PPP6R1: variants seen among roughly 807,000 people sequenced by gnomAD.
PPP6R1 encodes serine/threonine-protein phosphatase 6 regulatory subunit 1.
A neutral mutation model predicts 104.6 loss-of-function variants in PPP6R1; 39 were observed. That is an observed-to-expected ratio of 0.37 (90% confidence interval 0.29 to 0.49). The LOEUF (loss-of-function observed/expected upper bound fraction) is 0.49, where lower values mean the gene tolerates loss of function less well. Among genes scored for constraint, PPP6R1 ranks in the 20% least tolerant of loss-of-function variants. The probability of loss-of-function intolerance (pLI) is 0.98; values close to 1 mark genes in which losing one functional copy is unlikely to be tolerated. For synonymous variants in PPP6R1, 549 were observed against 479.0 expected, an observed-to-expected ratio of 1.15 and a Z score of -1.91; for missense variants, 1,181 against 1,155.8, an observed-to-expected ratio of 1.02 and a Z score of -0.32.
chr19:55,242,574 A>C, intron 5 of PPP6R1, 86 bp from the exon 6 acceptor site: 1 of 1,170,118 alleles, frequency 8.5e-7, no homozygotes, highest in East Asian at 2.4e-5. Context: ...CCATGAGCTG[A>C]CCATCCAGGG....
chr19:55,256,946 C>G (rs1046432885), intron 1 of PPP6R1, among the ~76,000 whole-genome samples: 1 of 152,206 alleles, frequency 6.6e-6, no homozygotes, highest in African/African-American at 2.4e-5. Flanking sequence ...GCTATCCCCA[C>G]TTACAGACGA....
Position 55,231,915 on chromosome 19 carries a change from C to T in PPP6R1, c.2193G>A (p.Gly731=), listed in dbSNP as rs748557550. ...GAGGCCCAGTGTGCAGCTCTTCCTC[C>T]CCGGAGACTCGGGGGCTGGTCGGGG... The part of the protein sequence containing the change: ...TDAPTSPRVS[G]EEELHTGPPA... The change falls in exon 19 of 24, where the codon GGG becomes GGA. Residue 731 remains glycine, a synonymous_variant. Coordinates refer to ENST00000412770, the MANE Select transcript of PPP6R1 (RefSeq NM_014931.4). The T allele has an allele frequency of 5.8e-6, 9 of 1,548,364 alleles. No individual in the cohort carries two copies. Among genetic ancestry groups the T allele is most frequent in the Non-Finnish European group, 7.0e-6 (8 of 1,144,270 alleles).
intron 10 of PPP6R1, among the ~76,000 whole-genome samples, chr19:55,240,556 C>CACACACACAT (rs1291425835): frequency 1.4e-5 from 2 of 147,944 alleles, no homozygotes; most frequent in African/African-American, 2.6e-5. Context: ...CACACACACA[C>CACACACACAT]ATGCATGCAC....
At chr19:55,236,368 C>T (rs1181958598) in intron 17 of PPP6R1, 1 of 422,094 alleles carries the variant, frequency 2.4e-6, no homozygotes, top group South Asian at 4.9e-5. Context: ...TTGCCCAGGG[C>T]TGGTCTCAAA....
At position 55,239,460 on chromosome 19, in the gene PPP6R1, T is replaced by C; in HGVS notation, c.1696A>G (p.Ile566Val). The stretch of plus-strand genomic sequence containing the variant: ...TCATCATTGAAGCCGAAGTGGTCAA[T>C]GAAGGCAGAGGTCATGCGCTGCATC... ...FQMQRMTSAFIDHFGFNDEEF... is the reference protein window; with the variant it reads ...FQMQRMTSAFVDHFGFNDEEF... Residue 566 changes from isoleucine to valine, a missense_variant, in exon 15 of 24, where the codon ATT becomes GTT. Around this residue, in one of 2 missense-constraint regions of PPP6R1, gnomAD observed 1,042 missense variants for 955.6 expected, o/e 1.09. Transcript: ENST00000412770. 3 of 1,613,988 alleles carry C rather than the reference T, an allele frequency of 1.9e-6. No homozygotes were observed. The highest frequency in any genetic ancestry group is 2.5e-6 in the Non-Finnish European group (3 of 1,179,892).
intron 5 of PPP6R1, among the ~76,000 whole-genome samples, chr19:55,243,880 T>C (rs1372718074): frequency 1.3e-5 from 2 of 152,270 alleles, no homozygotes; most frequent in East Asian, 3.9e-4. Context: ...CTCAAACTCC[T>C]GGGCTCAAGC....
At position 55,231,270 on chromosome 19, in the gene PPP6R1, G is replaced by A. The variant is rs769990074; in HGVS notation, c.2459+140C>T. On this transcript the variant is annotated intron_variant, in intron 21 of 23. Coordinates refer to ENST00000412770, the MANE Select transcript of PPP6R1 (RefSeq NM_014931.4). ...CCAGCCTACAGAGTGCAAGGGGCTG[G>A]GGCACAACATGAGGCTGCGCCTGGG... 1.3e-5 allele frequency: 14 copies of A among 1,044,418 alleles called. No individual in the cohort carries two copies. The Admixed American group carries it at 1.4e-4, about 11-fold the overall frequency. 64.7% of individuals were successfully genotyped at this position (1,044,418 alleles called of 1,614,324 possible).
rs751402751 is a variant in PPP6R1 at position 55,241,288 on chromosome 19, G to A, written c.1112C>T (p.Ala371Val). ...TGCCAGGAGCTCGTGCGTCAGGGCTGCATCATTGGCGCTCAGGGCACTGGC... is the reference window on the plus strand; with the variant it reads ...TGCCAGGAGCTCGTGCGTCAGGGCTACATCATTGGCGCTCAGGGCACTGGC... ...LLASALSAND[A>V]ALTHELLALD... Residue 371 changes from alanine to valine, a missense_variant, in exon 9 of 24, where the codon GCA becomes GTA. By Grantham distance (64) the Ala-to-Val change is moderately conservative. This residue lies in a region of PPP6R1 where 1,042 missense variants were observed against 955.6 expected (regional missense o/e 1.09). Transcript: ENST00000412770. This position sits in a 1 kb window ranked among gnomAD's most constrained non-coding sequence, Gnocchi z 5.4. The A allele has an allele frequency of 5.0e-6, 8 of 1,610,674 alleles. No individual in the cohort carries two copies. Among genetic ancestry groups the A allele is most frequent in the Non-Finnish European group, 6.8e-6 (8 of 1,179,470 alleles).
At chr19:55,240,668 C>T (rs944871507) in intron 10 of PPP6R1, among the ~76,000 whole-genome samples, 4 of 152,066 alleles carry the variant, frequency 2.6e-5, no homozygotes, top group Non-Finnish European at 2.9e-5. Context: ...TGCTCACACA[C>T]GCACGTGTGC....
chr19:55,237,639 G>C (rs1458356838), intron 15 of PPP6R1, among the ~76,000 whole-genome samples: 2 of 152,162 alleles, frequency 1.3e-5, no homozygotes, highest in African/African-American at 2.4e-5. Context: ...AATTCTTAAA[G>C]GACACTAAGT....
rs778779496 is a variant in PPP6R1 at position 55,241,022 on chromosome 19, C to G, written c.1219G>C (p.Val407Leu). ...NFLHAQVEGC[V>L]STMLSLGPPP... is the part of the protein sequence containing the mutation. Reference sequence around the variant, plus strand: ...GGCCCCAAGCTCAGCATGGTGCTCACGCATCCCTCTACTTGGGCATGCAAG... The same window carrying G: ...GGCCCCAAGCTCAGCATGGTGCTCAGGCATCCCTCTACTTGGGCATGCAAG... Residue 407 changes from valine (V) to leucine (L), a missense_variant, in exon 10 of 24, where the codon GTG (valine) becomes CTG (leucine). Transcript: ENST00000412770. The surrounding 1 kb of genome is among the most constrained non-coding windows in gnomAD (Gnocchi z 5.4). 2 of 1,577,452 alleles carry G rather than the reference C, an allele frequency of 1.3e-6. No individual in the cohort carries two copies.
At chr19:55,240,548 CACACACACAT>C (rs1285412951) in intron 10 of PPP6R1, among the ~76,000 whole-genome samples, 2 of 151,624 alleles carry the variant, frequency 1.3e-5, no homozygotes, top group African/African-American at 4.9e-5. Context: ...CACACACACA[CACACACACAT>C]GCATGCACTA....
downstream of PPP6R1, chr19:55,228,788 T>G (rs769269850): frequency 6.3e-7 from 1 of 1,599,372 alleles, no homozygotes; most frequent in East Asian, 2.3e-5. Flanking sequence ...GCGAGTGGCT[T>G]CAGGGGGTGG....
At position 55,241,517 on chromosome 19, in the gene PPP6R1, C is replaced by T. The variant is rs201368780; in HGVS notation, c.968G>A (p.Arg323Gln). Residue 323 changes from arginine (R) to glutamine (Q), a missense_variant, in exon 8 of 24, where the codon CGG (arginine) becomes CAG (glutamine). Around this residue, in one of 2 missense-constraint regions of PPP6R1, gnomAD observed 1,042 missense variants for 955.6 expected, o/e 1.09. Transcript: ENST00000412770. This position sits in a 1 kb window ranked among gnomAD's most constrained non-coding sequence, Gnocchi z 5.4. ...SVGALHALRP[R>Q]LSCFHQLLLE... Reference sequence around the variant, plus strand: ...CAGGAGCTGGTGGAAGCAGCTGAGCCGCGGGCGTAGGGCGTGCAAGGCGCC... The same window carrying T: ...CAGGAGCTGGTGGAAGCAGCTGAGCTGCGGGCGTAGGGCGTGCAAGGCGCC... 4,432 of 1,589,352 alleles carry T rather than the reference C, an allele frequency of 2.8e-3. 18 individuals are homozygous for T. The highest frequency in any genetic ancestry group is 2.7e-3 in the Non-Finnish European group (3,191 of 1,168,730).
rs1414037056 is a variant in PPP6R1, at chr19:55,258,645, G to A, written c.-217C>T. 2.6e-5 allele frequency: 4 copies of A among 151,570 alleles called. No homozygotes were observed. The highest frequency in any genetic ancestry group is 5.9e-5 in the Non-Finnish European group (4 of 67,854). 9.4% of individuals were successfully genotyped at this position (151,570 alleles called of 1,614,324 possible). A position where few individuals can be genotyped will look rare whatever the true frequency, so the allele number is the denominator to read the frequency against. ...GCGCGCCGGGTCCTGCAGAGTTGAG[G>A]GGGTCAGCGCCGGGTGGAGTTGCCG... On this transcript the variant is annotated 5_prime_UTR_variant, in exon 1 of 24. Coordinates refer to ENST00000412770, the MANE Select transcript of PPP6R1 (RefSeq NM_014931.4).
At chr19:55,235,605 G>C (rs746074561) in intron 17 of PPP6R1, among the ~76,000 whole-genome samples, 73 of 150,130 alleles carry the variant, frequency 4.9e-4, no homozygotes, top group Non-Finnish European at 9.0e-4. Flanking sequence ...TGCAAGCTCC[G>C]CCTTCCGGGT....
intron 1 of PPP6R1, among the ~76,000 whole-genome samples, chr19:55,247,649 C>T (rs1032809309): frequency 6.6e-6 from 1 of 152,220 alleles, no homozygotes; most frequent in Non-Finnish European, 1.5e-5. Context: ...CAGCACACGG[C>T]TGCTGCTTGG....
At chr19:55,238,820 C>CA (rs1325674030) in intron 15 of PPP6R1, 2 of 153,256 alleles carry the variant, frequency 1.3e-5, no homozygotes, top group Non-Finnish European at 2.9e-5. Context: ...CCAGAAGCAA[C>CA]AGATGCTTGT....
chr19:55,246,936 T>C lies in PPP6R1; in HGVS notation c.168A>G (p.Ala56=). The stretch of plus-strand genomic sequence containing the variant: ...GCTCCTGGGTGACCCAGGCCACCAT[T>C]GCTTGCAGGTGGGGTGGCTGCAGCA... The part of the protein sequence containing the change: ...DFLLQPPHLQ[A]MVAWVTQEPP... The change falls in exon 2 of 24, where the codon GCA becomes GCG. Residue 56 remains alanine, a synonymous_variant. Coordinates refer to ENST00000412770, the MANE Select transcript of PPP6R1 (RefSeq NM_014931.4). 6.2e-7 allele frequency: 1 copy of C among 1,613,718 alleles called. No homozygotes were observed. Among genetic ancestry groups the C allele is most frequent in the Non-Finnish European group, 8.5e-7 (1 of 1,179,812 alleles).
Sources: allele counts gnomAD v4.1 joint callset (sites outside exome capture counted in the v4.1 genomes callset), GRCh38; gene constraint gnomAD v4.1.1; regional missense constraint gnomAD v4.1.1; non-coding constraint Gnocchi (gnomAD v3.1); transcripts MANE v1.5; gene names NCBI Gene and HGNC (gene_info 2026-07-23, HGNC 2026-07-21).